The following ADAMTS19 variants were observed in gnomAD, a reference collection of about 807,000 sequenced individuals.
ADAMTS19 encodes ADAM metallopeptidase with thrombospondin type 1 motif 19, also known as A disintegrin and metalloproteinase with thrombospondin motifs 19.
A neutral mutation model predicts 153.3 loss-of-function variants in ADAMTS19; 93 were observed. The ratio of observed to expected loss-of-function variants is 0.61; its 90% CI spans 0.51 to 0.72. The LOEUF (loss-of-function observed/expected upper bound fraction) is 0.72. Among genes scored for constraint, ADAMTS19 ranks in the 30% least tolerant of loss-of-function variants. The probability of loss-of-function intolerance (pLI) is 0.00; values close to 1 mark genes in which losing one functional copy is unlikely to be tolerated. For synonymous variants in ADAMTS19, 600 were observed against 556.6 expected (o/e 1.08, Z -1.10); for missense variants, 1,482 against 1,552.1 (o/e 0.95, Z 0.76).
At chr5:129,517,828 T>G (rs1344251883) in intron 3 of ADAMTS19, among the ~76,000 whole-genome samples, 3 of 152,036 alleles carry the variant, frequency 2.0e-5, no homozygotes, top group African/African-American at 7.2e-5. Context: ...TGCCATTTTG[T>G]TATTTGTTTT....
chr5:129,599,717 T>C (rs1291529800), intron 8 of ADAMTS19, among the ~76,000 whole-genome samples: 2 of 152,160 alleles, frequency 1.3e-5, no homozygotes, highest in Non-Finnish European at 2.9e-5. Context: ...TTCAGTTTTA[T>C]GTAGTAGAAA....
intron 7 of ADAMTS19, among the ~76,000 whole-genome samples, chr5:129,560,151 A>C (rs1003961572): frequency 5.9e-5 from 9 of 152,162 alleles, no homozygotes; most frequent in African/African-American, 2.2e-4. Flanking sequence ...CACATTTTGA[A>C]GATTTAGTTG....
At chr5:129,464,346 C>T (rs560871006) in intron 2 of ADAMTS19, among the ~76,000 whole-genome samples, 15 of 152,104 alleles carry the variant, frequency 9.9e-5, no homozygotes, top group Non-Finnish European at 2.1e-4. Context: ...AATTATGATG[C>T]CTTTATATAG....
At chr5:129,596,900 C>T (rs1022129655) in intron 8 of ADAMTS19, among the ~76,000 whole-genome samples, 3 of 152,076 alleles carry the variant, frequency 2.0e-5, no homozygotes, top group African/African-American at 7.2e-5. Flanking sequence ...TCAAGACAGT[C>T]ATTACATAGT....
chr5:129,586,028 C>G (rs556963467), intron 7 of ADAMTS19, among the ~76,000 whole-genome samples: 1 of 152,138 alleles, frequency 6.6e-6, no homozygotes, highest in South Asian at 2.1e-4. Flanking sequence ...TTTTTTAGAG[C>G]AGTCTTAGGT....
intron 2 of ADAMTS19, among the ~76,000 whole-genome samples, chr5:129,505,608 C>A (rs1339344710): frequency 6.6e-6 from 1 of 151,934 alleles, no homozygotes; most frequent in Non-Finnish European, 1.5e-5. Context: ...TTAAAAAGCA[C>A]CGAGCCACAT....
chr5:129,479,894 T>C (rs1750352148), intron 2 of ADAMTS19, among the ~76,000 whole-genome samples: 1 of 152,176 alleles, frequency 6.6e-6, no homozygotes, highest in Non-Finnish European at 1.5e-5. Context: ...ATTTCTGAAT[T>C]GATTTATAGA....
intron 2 of ADAMTS19, among the ~76,000 whole-genome samples, chr5:129,468,005 C>T (rs1749931103): frequency 6.6e-6 from 1 of 152,194 alleles, no homozygotes; most frequent in Non-Finnish European, 1.5e-5. Flanking sequence ...AGAGATTCCC[C>T]TTTTTTTACG....
chr5:129,641,160 G>C (rs1405997114), intron 10 of ADAMTS19, among the ~76,000 whole-genome samples: 1 of 152,136 alleles, frequency 6.6e-6, no homozygotes, highest in Non-Finnish European at 1.5e-5. Flanking sequence ...CACAATTATA[G>C]CTGTCTAAGG....
In ADAMTS19 at chr5:129,632,358, TAG is replaced by T. The variant is rs1014101991; in HGVS notation, c.1771-9499_1771-9498del. ...GTACTATAGTCATGATATATATATA[TAG>T]ATATAGATATAATATAGCATCTGTG... On this transcript the variant is annotated intron_variant, in intron 10 of 22. Coordinates refer to ENST00000274487, the MANE Select transcript of ADAMTS19 (RefSeq NM_133638.6). Among the ~76,000 whole-genome samples the T allele has an allele frequency of 1.2e-3, 180 of 151,826 alleles. 1 individual carries two copies. Among genetic ancestry groups the T allele is most frequent in the African/African-American group, 4.3e-3 (176 of 41,382 alleles).
chr5:129,670,806 A>G (rs770400689), intron 16 of ADAMTS19, among the ~76,000 whole-genome samples: 1 of 152,144 alleles, frequency 6.6e-6, no homozygotes, highest in Non-Finnish European at 1.5e-5. Flanking sequence ...ACTGTCTCCA[A>G]TTCTACTAAA....
At chr5:129,464,129 G>C (rs1749779210) in intron 2 of ADAMTS19, among the ~76,000 whole-genome samples, 1 of 152,202 alleles carries the variant, frequency 6.6e-6, no homozygotes, top group Non-Finnish European at 1.5e-5. Flanking sequence ...TGAAAATGCA[G>C]GACCTGTCAA....
chr5:129,720,099 A>G (rs1437935161), intron 21 of ADAMTS19, among the ~76,000 whole-genome samples: 1 of 150,704 alleles, frequency 6.6e-6, no homozygotes, highest in African/African-American at 2.4e-5. Flanking sequence ...TGTGCCAATC[A>G]GTAAGAGCTT....
chr5:129,482,104 G>A (rs549009388), intron 2 of ADAMTS19, among the ~76,000 whole-genome samples: 27 of 152,262 alleles, frequency 1.8e-4, no homozygotes, highest in African/African-American at 6.3e-4. Context: ...GGAATTATAG[G>A]AAATTTTGAT....
At chr5:129,687,127 C>G (rs1416804579) in intron 18 of ADAMTS19, among the ~76,000 whole-genome samples, 3 of 152,076 alleles carry the variant, frequency 2.0e-5, no homozygotes, top group Non-Finnish European at 4.4e-5. Context: ...CAAACACATT[C>G]ACAACAAAAA....
intron 7 of ADAMTS19, among the ~76,000 whole-genome samples, chr5:129,593,522 A>C (rs1298549755): frequency 6.6e-6 from 1 of 151,988 alleles, no homozygotes; most frequent in Non-Finnish European, 1.5e-5. Context: ...CTTTTTCATC[A>C]CTGATGATTC....
intron 11 of ADAMTS19, among the ~76,000 whole-genome samples, chr5:129,645,130 C>T (rs1753002656): frequency 6.6e-6 from 1 of 152,168 alleles, no homozygotes. Context: ...TGTGTTGGGT[C>T]ATGCACTGTC....
intron 21 of ADAMTS19, among the ~76,000 whole-genome samples, chr5:129,727,818 A>T (rs1239269194): frequency 6.6e-6 from 1 of 152,194 alleles, no homozygotes; most frequent in African/African-American, 2.4e-5. Context: ...AATGGAGGAA[A>T]AACTTTCAGA....
At chr5:129,724,568 C>T (rs1757128184) in intron 21 of ADAMTS19, among the ~76,000 whole-genome samples, 1 of 152,070 alleles carries the variant, frequency 6.6e-6, no homozygotes, top group African/African-American at 2.4e-5. Context: ...GGGGTAAATA[C>T]CCGAGGTTTG....
Sources: gnomAD v4.1 joint callset for allele counts (sites outside exome capture counted in the v4.1 genomes callset) on GRCh38, gnomAD v4.1.1 for gene constraint, MANE v1.5 for transcripts, NCBI Gene and HGNC (gene_info 2026-07-23, HGNC 2026-07-21) for gene names.